Variants in SLC15A3 observed in about 807,000 individuals in gnomAD.
SLC15A3 encodes solute carrier family 15 member 3, also known as osteoclast transporter.
In SLC15A3, 39 loss-of-function variants were observed where a neutral mutation model predicts 49.2. The ratio of observed to expected loss-of-function variants is 0.79; its 90% CI spans 0.61 to 1.04. The LOEUF (loss-of-function observed/expected upper bound fraction) is 1.04, where lower values mean the gene tolerates loss of function less well. Among genes scored for constraint, SLC15A3 ranks in the 50% least tolerant of loss-of-function variants. The pLI, the probability that SLC15A3 is intolerant of heterozygous loss-of-function variation, is 0.00. For missense variants in SLC15A3, 758 were observed against 794.8 expected, an observed-to-expected ratio of 0.95 and a Z score of 0.56; for synonymous variants, 339 against 367.0, an observed-to-expected ratio of 0.92 and a Z score of 0.87.
intron 7 of SLC15A3, 129 bp from the exon 8 acceptor site, chr11:60,937,502 G>T: frequency 8.4e-7 from 1 of 1,183,836 alleles, no homozygotes; most frequent in Non-Finnish European, 1.2e-6. Flanking sequence ...TGAAGACACT[G>T]GACAGATACC....
At position 60,941,251 on chromosome 11, in the gene SLC15A3, CCA is replaced by C; in HGVS notation, c.1145_1146del (p.Val382GlyfsTer90). ...EAWLLLANVV[V>X]VLILVPLKDR... ...TCCTTCAGAGGGACCAGAATCAGCA[CCA>C]CCACAACATTGGCCAGGAGGAGCCA... is the stretch of plus-strand genomic sequence containing the variant. On this transcript the variant is annotated frameshift_variant, in exon 5 of 8. Transcript: ENST00000227880. LOFTEE classifies it high-confidence loss of function. 1.9e-6 allele frequency: 3 copies of C among 1,614,088 alleles called. No individual in the cohort carries two copies. Among genetic ancestry groups the C allele is most frequent in the African/African-American group, 1.3e-5 (1 of 75,056 alleles).
In SLC15A3 at chr11:60,951,026, G is replaced by A. The variant is rs760082698; in HGVS notation, c.526C>T (p.Arg176Trp). The A allele has an allele frequency of 8.0e-6, 12 of 1,495,630 alleles. No individual in the cohort carries two copies. Among genetic ancestry groups the A allele is most frequent in the Non-Finnish European group, 1.1e-5 (12 of 1,129,632 alleles). 92.6% of individuals were successfully genotyped at this position (1,495,630 alleles called of 1,614,324 possible). Residue 176 changes from arginine (R) to tryptophan (W), a missense_variant, in exon 1 of 8, where the codon CGG becomes TGG. By Grantham distance (101) the Arg-to-Trp change is moderately radical. Transcript: ENST00000227880. ...GCACCGAAGGAGGTGAGGTTGCTCC[G>A]GACGGAGCTGGCGGCCAGGCCGAGT... ...LLLGLAASSV[R>W]SNLTSFGADQ...
intron 3 of SLC15A3, 197 bp from the exon 4 acceptor site, chr11:60,942,342 C>A (rs1856725251): frequency 1.8e-6 from 1 of 555,124 alleles, no homozygotes; most frequent in Middle Eastern, 5.0e-4. Context: ...GTGCTCTGCT[C>A]TCAGGCCTGT....
chr11:60,949,495 A>AGAAGGAAG lies in SLC15A3; in HGVS notation c.558+1498_558+1499insCTTCCTTC, dbSNP rs1248547381. ...GAAAGAGAAAGAAAGGAAGAAAGAA[A>AGAAGGAAG]GAAAGAAGGAAAGAAAGAAAGAAAG... On this transcript the variant is annotated intron_variant, in intron 1 of 7. Coordinates refer to ENST00000227880, the MANE Select transcript of SLC15A3 (RefSeq NM_016582.3). 5.1e-4 allele frequency among the ~76,000 whole-genome samples: 70 copies of AGAAGGAAG among 138,188 alleles called. 2 individuals carry two copies. Among genetic ancestry groups the AGAAGGAAG allele is most frequent in the African/African-American group, 1.8e-3 (66 of 36,198 alleles). 90.7% of individuals were successfully genotyped at this position (138,188 alleles called of 152,430 possible). A position where few individuals can be genotyped will look rare whatever the true frequency, so the allele number is the denominator to read the frequency against.
intron 1 of SLC15A3, among the ~76,000 whole-genome samples, chr11:60,950,769 C>T (rs1358278617): frequency 6.6e-6 from 1 of 152,178 alleles, no homozygotes; most frequent in Non-Finnish European, 1.5e-5. Context: ...GCAGCCTGGG[C>T]GACAGAGTGA....
chr11:60,943,472 C>G, intron 3 of SLC15A3: 4 of 397,164 alleles, frequency 1.0e-5, no homozygotes, highest in Non-Finnish European at 1.8e-5. Flanking sequence ...CAGGAGGAAG[C>G]TGTCTCCAGA....
chr11:60,937,718 G>T, intron 7 of SLC15A3, 152 bp downstream of exon 7: 2 of 1,036,842 alleles, frequency 1.9e-6, no homozygotes, highest in East Asian at 2.6e-5. Context: ...GCCACGCTGT[G>T]GGTGACTGGC....
At chr11:60,950,134 A>G (rs914964960) in intron 1 of SLC15A3, among the ~76,000 whole-genome samples, 1 of 152,222 alleles carries the variant, frequency 6.6e-6, no homozygotes, top group African/African-American at 2.4e-5. Context: ...CAGCCCATTC[A>G]GGATATAAAT....
intron 7 of SLC15A3, 72 bp downstream of exon 7, chr11:60,937,798 T>C (rs1856642183): frequency 6.4e-7 from 1 of 1,551,832 alleles, no homozygotes; most frequent in African/African-American, 1.4e-5. Flanking sequence ...GTCAAAGCAC[T>C]TTAGCAGTTG....
intron 1 of SLC15A3, among the ~76,000 whole-genome samples, chr11:60,948,918 G>A (rs952651262): frequency 2.0e-5 from 3 of 152,166 alleles, no homozygotes; most frequent in Non-Finnish European, 2.9e-5. Context: ...ACAGGTTAAG[G>A]GTACTGGGTT....
At chr11:60,945,031 C>T (rs1162639673) in intron 2 of SLC15A3, among the ~76,000 whole-genome samples, 3 of 152,194 alleles carry the variant, frequency 2.0e-5, no homozygotes, top group Non-Finnish European at 4.4e-5. Context: ...ACTTTCACTG[C>T]CATTGTTTCC....
rs116720579 is a variant in SLC15A3, at chr11:60,937,288, G to A, written c.1677C>T (p.Ile559=). ...QAVTALLFVW[I]AGRYERASQG... The stretch of plus-strand genomic sequence containing the variant: ...GGGACGCCCTCTCATAGCGTCCAGC[G>A]ATCCAGACAAATAGGAGAGCCGTGA... Residue 559 remains isoleucine, a synonymous_variant, in exon 8 of 8, where the codon ATC becomes ATT. Transcript: ENST00000227880. The A allele has an allele frequency of 1.2e-3, 1,882 of 1,614,136 alleles. 16 individuals are homozygous for A. The African/African-American group carries it at 0.022, about 19-fold the overall frequency.
At position 60,949,759 on chromosome 11, in the gene SLC15A3, T is replaced by G. The variant is rs116481703; in HGVS notation, c.558+1235A>C. On this transcript the variant is annotated intron_variant, in intron 1 of 7. Coordinates refer to ENST00000227880, the MANE Select transcript of SLC15A3 (RefSeq NM_016582.3). ...TATAATATGTGCAATCAAAGAACAT[T>G]TGATAAACTGAGACAAGAAGAAAGT... Among the ~76,000 whole-genome samples, 240 of 152,332 alleles carry G rather than the reference T, an allele frequency of 1.6e-3. 1 individual carries two copies. Among genetic ancestry groups the G allele is most frequent in the African/African-American group, 5.6e-3 (232 of 41,582 alleles).
rs1426034337 is a variant in SLC15A3, at chr11:60,951,075, G to C, written c.477C>G (p.Pro159=). 4 of 1,487,072 alleles carry C rather than the reference G, an allele frequency of 2.7e-6. No individual in the cohort carries two copies. Among genetic ancestry groups the C allele is most frequent in the South Asian group, 2.6e-5 (2 of 77,886 alleles). The allele number at this position is 1,487,072 out of a possible 1,614,324, so 92.1% of individuals were successfully genotyped here. Residue 159 remains proline (P), a synonymous_variant, in exon 1 of 8, where the codon CCC becomes CCG. Transcript: ENST00000227880. ...PRSSPSPYCA[P]VLYAGLLLLG... is the part of the protein sequence containing the mutation. ...GTAGCAGCAGGCCCGCGTAGAGGAC[G>C]GGCGCGCAGTAGGGGCTGGGCGAGG... is the stretch of plus-strand genomic sequence containing the variant.
intron 5 of SLC15A3, 51 bp downstream of exon 5, chr11:60,941,071 G>GA: frequency 6.4e-7 from 1 of 1,559,184 alleles, no homozygotes; most frequent in Non-Finnish European, 8.7e-7. Flanking sequence ...GGTGGAAGCA[G>GA]ACTTCCCCAA....
rs149165643 is a variant in SLC15A3 at position 60,942,064 on chromosome 11, C to A, written c.1078G>T (p.Ala360Ser). The change falls in exon 4 of 8, where the codon GCC becomes TCC. Residue 360 changes from alanine (A) to serine (S), a missense_variant. Ala to Ser is a moderately conservative substitution (Grantham distance 99). Around this residue, in one of 3 missense-constraint regions of SLC15A3, gnomAD observed 699 missense variants for 706.7 expected, o/e 0.99. Coordinates refer to ENST00000227880, the MANE Select transcript of SLC15A3 (RefSeq NM_016582.3). ...FPANPANISV[A>S]LRAQGSSYTI... is the part of the protein sequence containing the mutation. ...TAGCTGCTGCCCTGGGCTCTCAGGG[C>A]CACAGAGATGTTGGCCGGGTTGGCT... The A allele has an allele frequency of 6.2e-7, 1 of 1,613,994 alleles. No homozygotes were observed. The highest frequency in any genetic ancestry group is 1.3e-5 in the African/African-American group (1 of 74,924).
chr11:60,949,370 AAGAG>A (rs35231376), intron 1 of SLC15A3, among the ~76,000 whole-genome samples: 1 of 141,244 alleles, frequency 7.1e-6, no homozygotes, highest in Non-Finnish European at 1.5e-5. Flanking sequence ...GAAGGAAAGA[AAGAG>A]AAAGAAAGAG....
At chr11:60,941,611 A>G (rs956531885) in intron 4 of SLC15A3, 1 of 349,508 alleles carries the variant, frequency 2.9e-6, no homozygotes, top group Non-Finnish European at 5.2e-6. Flanking sequence ...AATTTCTCAT[A>G]TATCTGCCAG....
rs1225455854 is a variant in SLC15A3, at chr11:60,938,039, G to A, written c.1436-14C>T. On this transcript the variant is annotated splice_polypyrimidine_tract_variant and intron_variant, in intron 6 of 7. Coordinates refer to ENST00000227880, the MANE Select transcript of SLC15A3 (RefSeq NM_016582.3). ...CAAACTCCAGGCCTGCAGAGGGGGAGCAGAGACGATCTCAGGGGCTGGTGC... is the reference window on the plus strand; with the variant it reads ...CAAACTCCAGGCCTGCAGAGGGGGAACAGAGACGATCTCAGGGGCTGGTGC... 1 of 1,612,626 alleles carries A rather than the reference G, an allele frequency of 6.2e-7. No individual in the cohort carries two copies. The highest frequency in any genetic ancestry group is 8.5e-7 in the Non-Finnish European group (1 of 1,179,464).
Sources: allele counts gnomAD v4.1 joint callset (sites outside exome capture counted in the v4.1 genomes callset), GRCh38; gene constraint gnomAD v4.1.1; regional missense constraint gnomAD v4.1.1; transcripts MANE v1.5; gene names NCBI Gene and HGNC (gene_info 2026-07-23, HGNC 2026-07-21).